PPFIA1: variants seen among roughly 807,000 people sequenced by gnomAD.
The protein encoded by PPFIA1 is liprin-alpha-1.
A neutral mutation model predicts 149.9 loss-of-function variants in PPFIA1; 25 were observed. That is an observed-to-expected ratio of 0.17 (90% confidence interval 0.12 to 0.23). The LOEUF (loss-of-function observed/expected upper bound fraction) is 0.23. Among genes scored for constraint, PPFIA1 ranks in the 10% least tolerant of loss-of-function variants. PPFIA1 has a pLI of 1.00. For missense variants in PPFIA1, 1,362 were observed against 1,506.5 expected (o/e 0.90, Z 1.59); for synonymous variants, 549 against 552.8 (o/e 0.99, Z 0.10).
At chr11:70,336,800 C>T (rs538331790) in intron 11 of PPFIA1, among the ~76,000 whole-genome samples, 2 of 152,234 alleles carry the variant, frequency 1.3e-5, no homozygotes, top group East Asian at 1.9e-4. Flanking sequence ...GTGCAGTGTC[C>T]CTAGCGATGG....
At chr11:70,355,609 A>G (rs367888774) in intron 17 of PPFIA1, 30 bp from the exon 18 acceptor site, 64 of 1,573,316 alleles carry the variant, frequency 4.1e-5, no homozygotes, top group Non-Finnish European at 5.3e-5. Context: ...ACAAGGGCAC[A>G]TAGTAAAGAT....
intron 16 of PPFIA1, chr11:70,350,173 G>A (rs1591307236): frequency 3.3e-6 from 1 of 300,266 alleles, no homozygotes. Flanking sequence ...TTACTATATA[G>A]TAAGTATGGA....
intron 26 of PPFIA1, 52 bp from the exon 27 acceptor site, chr11:70,382,036 A>G (rs2057733654): frequency 6.5e-7 from 1 of 1,542,570 alleles, no homozygotes; most frequent in Non-Finnish European, 8.9e-7. Context: ...TGATGTTCTA[A>G]GACTAACTGC....
At chr11:70,293,915 A>G (rs182815733) in intron 2 of PPFIA1, among the ~76,000 whole-genome samples, 1 of 148,920 alleles carries the variant, frequency 6.7e-6, no homozygotes, top group Admixed American at 6.7e-5. Context: ...AATACTCTGT[A>G]GTTCCTGCAC....
chr11:70,295,680 C>CTGG (rs2051918170), intron 2 of PPFIA1, among the ~76,000 whole-genome samples: 2 of 122,552 alleles, frequency 1.6e-5, no homozygotes, highest in Admixed American at 7.9e-5. Flanking sequence ...CTGGCCGGGC[C>CTGG]GGGGGCTGAC....
At chr11:70,358,871 G>A (rs1452798382) in intron 19 of PPFIA1, among the ~76,000 whole-genome samples, 4 of 152,184 alleles carry the variant, frequency 2.6e-5, no homozygotes, top group Non-Finnish European at 5.9e-5. Flanking sequence ...CTTTGATAGC[G>A]CATAGTGCCT....
At position 70,366,590 on chromosome 11, in the gene PPFIA1, CGCCACTGGCCTTCTGTG is replaced by C. The variant is rs530731073; in HGVS notation, c.2865+4104_2865+4120del. On this transcript the variant is annotated intron_variant, in intron 21 of 27. Transcript: ENST00000253925. ...GACAGCTTGCCGAAATGTCGTGCGA[CGCCACTGGCCTTCTGTG>C]GTCAGGGTGTATGTCTCAGTGGCAC... Among the ~76,000 whole-genome samples the C allele has an allele frequency of 1.9e-3, 283 of 152,340 alleles. 2 individuals carry two copies. The highest frequency in any genetic ancestry group is 6.7e-3 in the African/African-American group (277 of 41,584).
rs2053419701 is a variant in PPFIA1, at chr11:70,313,570, G to A, written c.265-10832G>A. ...GAGTGGGCAGTTCTAGAAGATATGTGTGTGAGGGCGAATGAGGGGTCCTCA... is the reference window on the plus strand; with the variant it reads ...GAGTGGGCAGTTCTAGAAGATATGTATGTGAGGGCGAATGAGGGGTCCTCA... On this transcript the variant is annotated intron_variant, in intron 2 of 27. Coordinates refer to ENST00000253925, the MANE Select transcript of PPFIA1 (RefSeq NM_003626.5). Among the ~76,000 whole-genome samples, 5 of 152,230 alleles carry A rather than the reference G, an allele frequency of 3.3e-5. No individual in the cohort carries two copies. In the South Asian group the frequency reaches 8.3e-4, roughly 25 times the overall value.
At chr11:70,372,647 A>G (rs757108893) in intron 23 of PPFIA1, 73 bp downstream of exon 23, 26 of 1,265,652 alleles carry the variant, frequency 2.1e-5, no homozygotes, top group Non-Finnish European at 2.7e-5. Flanking sequence ...GTGACTTCCT[A>G]TTTTTCAAAA....
chr11:70,333,633 C>G (rs2054803021), intron 10 of PPFIA1, 80 bp downstream of exon 10: 8 of 1,102,442 alleles, frequency 7.3e-6, no homozygotes, highest in Admixed American at 4.0e-5. Flanking sequence ...CTCAGGGCCT[C>G]CCACCCCTGA....
intron 17 of PPFIA1, among the ~76,000 whole-genome samples, 171 bp downstream of exon 17, chr11:70,354,623 A>G (rs1293262631): frequency 1.3e-5 from 2 of 152,144 alleles, no homozygotes; most frequent in African/African-American, 4.8e-5. Context: ...GCTCTGGGCT[A>G]TAGTGAAATC....
At chr11:70,292,571 T>C (rs1229558606) in intron 2 of PPFIA1, among the ~76,000 whole-genome samples, 3 of 152,248 alleles carry the variant, frequency 2.0e-5, no homozygotes, top group Non-Finnish European at 4.4e-5. Context: ...TATTGTCTAC[T>C]GTGTGTAAGG....
At chr11:70,295,042 C>G (rs1299564892) in intron 2 of PPFIA1, among the ~76,000 whole-genome samples, 2 of 152,266 alleles carry the variant, frequency 1.3e-5, no homozygotes, top group Non-Finnish European at 2.9e-5. Context: ...CCATTGTCAT[C>G]CTGGCCCGTT....
At chr11:70,378,725 G>A (rs73521340) in intron 26 of PPFIA1, 5,488 of 153,972 alleles carry the variant, frequency 0.036, 370 homozygotes, top group African/African-American at 0.13. Flanking sequence ...AGGGAGGAAG[G>A]TGAACCTCCA....
rs2054688980 is a variant in PPFIA1, at chr11:70,331,862, C to T, written c.1078-98C>T. ...TCACTGTAGCTCTTCCATCATGACT[C>T]TCTTAGTCTGTATCTGCATTTCAGT... On this transcript the variant is annotated intron_variant, in intron 8 of 27. Coordinates refer to ENST00000253925, the MANE Select transcript of PPFIA1 (RefSeq NM_003626.5). The T allele has an allele frequency of 4.4e-6, 6 of 1,363,688 alleles. No individual in the cohort carries two copies. In the Admixed American group the frequency reaches 1.2e-4, roughly 27 times the overall value. The allele number at this position is 1,363,688 out of a possible 1,614,324, so 84.5% of individuals were successfully genotyped here.
chr11:70,287,210 C>G (rs567455611), intron 2 of PPFIA1, among the ~76,000 whole-genome samples: 4 of 152,208 alleles, frequency 2.6e-5, no homozygotes, highest in African/African-American at 7.2e-5. Flanking sequence ...CACTTGAGCT[C>G]TCCATTCCTC....
At chr11:70,281,395 G>C (rs920306556) in intron 2 of PPFIA1, among the ~76,000 whole-genome samples, 1 of 152,110 alleles carries the variant, frequency 6.6e-6, no homozygotes, top group Non-Finnish European at 1.5e-5. Flanking sequence ...CCATCCGGGG[G>C]TTCCATCTGA....
intron 14 of PPFIA1, among the ~76,000 whole-genome samples, chr11:70,343,348 T>C (rs1334547509): frequency 1.3e-5 from 2 of 152,238 alleles, no homozygotes; most frequent in African/African-American, 4.8e-5. Flanking sequence ...TCAGCCTCTC[T>C]TCATCCTCCC....
chr11:70,321,272 A>G (rs968319137), intron 2 of PPFIA1: 8 of 152,360 alleles, frequency 5.3e-5, no homozygotes, highest in South Asian at 2.1e-4. Flanking sequence ...CAGCCTCGAG[A>G]ACTGTGAAGA....
Sources: allele counts gnomAD v4.1 joint callset (sites outside exome capture counted in the v4.1 genomes callset), GRCh38; gene constraint gnomAD v4.1.1; transcripts MANE v1.5; gene names NCBI Gene and HGNC (gene_info 2026-07-23, HGNC 2026-07-21).